Variants in ANKRD36 observed in about 807,000 individuals in gnomAD.
ANKRD36 encodes the protein ankyrin repeat domain-containing protein 36A.
Under a neutral mutation model 278.1 loss-of-function variants are expected in ANKRD36, and 179 were observed. The observed-to-expected ratio is 0.64, with a 90% CI of 0.57 to 0.73. The LOEUF is 0.73. Among genes scored for constraint, ANKRD36 ranks in the 30% least tolerant of loss-of-function variants. The probability of loss-of-function intolerance (pLI) is 0.00; values close to 1 mark genes in which losing one functional copy is unlikely to be tolerated. For missense variants in ANKRD36, 1,159 were observed against 1,956.7 expected (o/e 0.59, Z 7.69); for synonymous variants, 320 against 641.1 (o/e 0.50, Z 7.57).
chr2:97,187,288 T>A, intron 31 of ANKRD36, 41 bp from the exon 32 acceptor site: 2 of 1,597,456 alleles, frequency 1.3e-6, no homozygotes, highest in Non-Finnish European at 1.7e-6. Flanking sequence ...ATATACTTCA[T>A]TGATTTATTT....
intron 17 of ANKRD36, among the ~76,000 whole-genome samples, chr2:97,159,190 C>A (rs2048243025): frequency 6.6e-6 from 1 of 151,892 alleles, no homozygotes; most frequent in Non-Finnish European, 1.5e-5. Flanking sequence ...TTGAAAAATT[C>A]TCAGATTCTT....
intron 60 of ANKRD36, among the ~76,000 whole-genome samples, chr2:97,214,441 C>T (rs1322344446): frequency 6.6e-6 from 1 of 150,472 alleles, no homozygotes; most frequent in East Asian, 2.0e-4. Flanking sequence ...CATGATATTC[C>T]TAACAAGACT....
intron 15 of ANKRD36, among the ~76,000 whole-genome samples, chr2:97,156,295 G>C (rs1283227885): frequency 6.9e-6 from 1 of 144,672 alleles, no homozygotes; most frequent in African/African-American, 2.4e-5. Flanking sequence ...ATGTATACAT[G>C]TGCCATGCTG....
chr2:97,210,827 G>T (rs1196890066), intron 56 of ANKRD36, among the ~76,000 whole-genome samples: 3 of 151,952 alleles, frequency 2.0e-5, no homozygotes, highest in East Asian at 2.0e-4. Flanking sequence ...CTTTGAAGAA[G>T]TATGTCAAAG....
At chr2:97,184,604 T>C (rs998045122) in intron 28 of ANKRD36, among the ~76,000 whole-genome samples, 5 of 151,754 alleles carry the variant, frequency 3.3e-5, no homozygotes, top group African/African-American at 9.7e-5. Flanking sequence ...CATTGCATTT[T>C]GTATAAATAT....
intron 52 of ANKRD36, among the ~76,000 whole-genome samples, chr2:97,206,930 T>A (rs2063015382): frequency 6.6e-6 from 1 of 151,488 alleles, no homozygotes; most frequent in African/African-American, 2.4e-5. Context: ...TGAAACTTCT[T>A]TAGGGAACAA....
rs201861227 is a variant in ANKRD36 at position 97,202,237 on chromosome 2, A to G, written c.2886+7A>G. The stretch of plus-strand genomic sequence containing the variant: ...GAAACCACCAGCCTTGAAGGTAATG[A>G]AACTCCCATTTATCTTGTGAACGAG... On this transcript the variant is annotated splice_region_variant and intron_variant, in intron 47 of 75. Coordinates refer to ENST00000420699, the MANE Select transcript of ANKRD36 (RefSeq NM_001354587.1). The G allele has an allele frequency of 1.4e-3, 2,295 of 1,609,116 alleles. 21 individuals are homozygous for G. Among genetic ancestry groups the G allele is most frequent in the Middle Eastern group, 7.9e-3 (48 of 6,038 alleles).
intron 24 of ANKRD36, among the ~76,000 whole-genome samples, chr2:97,180,552 C>T (rs543058273): frequency 2.0e-5 from 3 of 151,682 alleles, no homozygotes; most frequent in Non-Finnish European, 4.4e-5. Flanking sequence ...AAGCAGGAAA[C>T]AGTGCTAGAA....
chr2:97,164,606 A>G (rs2153501705), intron 20 of ANKRD36, 137 bp downstream of exon 20: 2 of 987,866 alleles, frequency 2.0e-6, no homozygotes, highest in East Asian at 2.6e-5. Flanking sequence ...TCTTGTTAAT[A>G]TCTTTGTTTA....
intron 50 of ANKRD36, among the ~76,000 whole-genome samples, chr2:97,205,490 T>C (rs2062590439): frequency 6.6e-6 from 1 of 151,560 alleles, no homozygotes; most frequent in Non-Finnish European, 1.5e-5. Flanking sequence ...GTGTGCCTTC[T>C]CAGTTATTGG....
chr2:97,165,839 T>G (rs934543692), intron 20 of ANKRD36, among the ~76,000 whole-genome samples: 3 of 152,304 alleles, frequency 2.0e-5, no homozygotes, highest in African/African-American at 7.2e-5. Context: ...CATGGCACTC[T>G]GATCTCTTTG....
At chr2:97,141,783 C>A (rs1292157688) in intron 6 of ANKRD36, among the ~76,000 whole-genome samples, 1 of 151,620 alleles carries the variant, frequency 6.6e-6, no homozygotes, top group African/African-American at 2.4e-5. Flanking sequence ...TCAAACCAGA[C>A]TATTTTAGAA....
intron 60 of ANKRD36, among the ~76,000 whole-genome samples, 192 bp downstream of exon 60, chr2:97,213,806 T>A (rs1191742947): frequency 6.6e-6 from 1 of 151,784 alleles, no homozygotes; most frequent in Non-Finnish European, 1.5e-5. Flanking sequence ...GCAGTAAGAT[T>A]ATAGACTTCC....
chr2:97,203,876 A>G (rs1276853790), intron 48 of ANKRD36, among the ~76,000 whole-genome samples, 192 bp from the exon 49 acceptor site: 5 of 151,814 alleles, frequency 3.3e-5, no homozygotes, highest in Non-Finnish European at 5.9e-5. Context: ...CTAAGACTAT[A>G]TTTCATGGAG....
intron 22 of ANKRD36, among the ~76,000 whole-genome samples, chr2:97,171,302 A>T (rs2052413048): frequency 6.8e-6 from 1 of 147,210 alleles, no homozygotes; most frequent in East Asian, 2.0e-4. Context: ...GAACCAACCC[A>T]AATGTCCAAC....
intron 52 of ANKRD36, 108 bp from the exon 53 acceptor site, chr2:97,207,703 A>C (rs903711932): frequency 4.0e-5 from 60 of 1,503,896 alleles, no homozygotes; most frequent in African/African-American, 9.8e-5. Context: ...ATCAAAGCCT[A>C]CGCTAATACA....
rs576134536 is a variant in ANKRD36 at position 97,143,707 on chromosome 2, A to C, written c.902-811A>C. ...GTTGAATTCATTAATTGACTCCTAA[A>C]GTGGTTATTTTCAATGAATATCAGA... is the stretch of plus-strand genomic sequence containing the variant. On this transcript the variant is annotated intron_variant, in intron 8 of 75. Coordinates refer to ENST00000420699, the MANE Select transcript of ANKRD36 (RefSeq NM_001354587.1). Among the ~76,000 whole-genome samples, 8 of 152,400 alleles carry C rather than the reference A, an allele frequency of 5.2e-5. No homozygotes were observed. The South Asian group carries it at 1.7e-3, about 32-fold the overall frequency.
intron 48 of ANKRD36, among the ~76,000 whole-genome samples, chr2:97,202,852 T>C (rs1467947107): frequency 6.6e-6 from 1 of 151,832 alleles, no homozygotes; most frequent in East Asian, 1.9e-4. Context: ...GAAGACGGAT[T>C]GTGAGGCAGG....
chr2:97,129,173 T>TA (rs1236686283), intron 6 of ANKRD36, among the ~76,000 whole-genome samples: 5 of 152,138 alleles, frequency 3.3e-5, no homozygotes, highest in African/African-American at 4.8e-5. Context: ...CTAACTCTGG[T>TA]GTGAGATGGT....
Sources: gnomAD v4.1 joint callset for allele counts (sites outside exome capture counted in the v4.1 genomes callset) on GRCh38, gnomAD v4.1.1 for gene constraint, MANE v1.5 for transcripts, NCBI Gene and HGNC (gene_info 2026-07-23, HGNC 2026-07-21) for gene names.